The following EXT1 variants were observed in gnomAD, a reference collection of about 807,000 sequenced individuals.
EXT1 encodes exostosin glycosyltransferase 1, also known as exostosin-1.
EXT1 carries 20 observed loss-of-function variants against 82.5 expected under a neutral mutation model. That is an observed-to-expected ratio of 0.24 (90% CI 0.17 to 0.35). The LOEUF (loss-of-function observed/expected upper bound fraction) is 0.35. Among genes scored for constraint, EXT1 ranks in the 10% least tolerant of loss-of-function variants. The pLI, the probability that EXT1 is intolerant of heterozygous loss-of-function variation, is 1.00. For missense variants in EXT1, 757 were observed against 936.5 expected, an observed-to-expected ratio of 0.81 and a Z score of 2.50; for synonymous variants, 348 against 350.8, an observed-to-expected ratio of 0.99 and a Z score of 0.09.
intron 1 of EXT1, among the ~76,000 whole-genome samples, chr8:118,071,756 G>T (rs17505938): frequency 2.6e-5 from 4 of 152,180 alleles, no homozygotes; most frequent in African/African-American, 9.6e-5. Flanking sequence ...AGACAGAAAC[G>T]TTCCTTTTCT....
At chr8:117,809,245 T>TGTATGTATATATA (rs1563874284) in intron 8 of EXT1, among the ~76,000 whole-genome samples, 1 of 66,050 alleles carries the variant, frequency 1.5e-5, no homozygotes, top group African/African-American at 3.9e-5. Flanking sequence ...ATATATATAT[T>TGTATGTATATATA]ATGTTCTATT....
intron 1 of EXT1, among the ~76,000 whole-genome samples, chr8:117,859,433 C>A (rs1459099019): frequency 6.6e-6 from 1 of 152,166 alleles, no homozygotes; most frequent in East Asian, 1.9e-4. Flanking sequence ...TCTCACTACT[C>A]CTGATTTGGA....
intron 1 of EXT1, among the ~76,000 whole-genome samples, chr8:117,882,041 T>TA (rs1813070548): frequency 6.6e-6 from 1 of 152,226 alleles, no homozygotes; most frequent in South Asian, 2.1e-4. Flanking sequence ...AAGGAACCTG[T>TA]AACCAGACAA....
At chr8:117,899,070 C>G (rs1813395762) in intron 1 of EXT1, among the ~76,000 whole-genome samples, 1 of 152,056 alleles carries the variant, frequency 6.6e-6, no homozygotes, top group South Asian at 2.1e-4. Flanking sequence ...AATAAAGGGC[C>G]ATTTACTCTC....
chr8:117,819,986 A>G (rs962573677), intron 5 of EXT1, among the ~76,000 whole-genome samples, 192 bp from the exon 6 acceptor site: 2 of 152,058 alleles, frequency 1.3e-5, no homozygotes, highest in African/African-American at 2.4e-5. Flanking sequence ...GAGTCTAGAG[A>G]CCTCAATAAA....
chr8:117,980,858 C>G (rs1289224741), intron 1 of EXT1, among the ~76,000 whole-genome samples: 1 of 152,124 alleles, frequency 6.6e-6, no homozygotes, highest in Non-Finnish European at 1.5e-5. Context: ...CCCCGGCCAC[C>G]AGGACAAACA....
chr8:117,920,184 A>C (rs931476566), intron 1 of EXT1, among the ~76,000 whole-genome samples: 2 of 152,120 alleles, frequency 1.3e-5, no homozygotes, highest in Admixed American at 1.3e-4. Context: ...GGCTCACTGC[A>C]ACCTCCACCT....
Position 117,836,012 on chromosome 8 carries a change from T to C in EXT1, c.1057-461A>G, listed in dbSNP as rs376627624. 5.4e-4 allele frequency among the ~76,000 whole-genome samples: 82 copies of C among 152,340 alleles called. 1 individual carries two copies. In the South Asian group the frequency reaches 0.017, roughly 31 times the overall value. On this transcript the variant is annotated intron_variant, in intron 2 of 10. Transcript: ENST00000378204. The stretch of plus-strand genomic sequence containing the variant: ...AGAGCAGAATGAAGCTCAGCATTCC[T>C]AGGCAGCAGTTCGTGGACTTAACCA...
chr8:117,929,983 C>T (rs969415285), intron 1 of EXT1, among the ~76,000 whole-genome samples: 1 of 152,154 alleles, frequency 6.6e-6, no homozygotes, highest in African/African-American at 2.4e-5. Flanking sequence ...TGGCAGATGC[C>T]TGTAATCCCA....
At chr8:117,966,552 T>C (rs1037057403) in intron 1 of EXT1, among the ~76,000 whole-genome samples, 1 of 152,230 alleles carries the variant, frequency 6.6e-6, no homozygotes, top group Non-Finnish European at 1.5e-5. Flanking sequence ...GGGGTTTCTT[T>C]GACTTTTAAA....
intron 1 of EXT1, among the ~76,000 whole-genome samples, chr8:118,028,877 G>A (rs964410766): frequency 3.3e-5 from 5 of 151,988 alleles, no homozygotes; most frequent in Non-Finnish European, 5.9e-5. Context: ...AGCCAAGATC[G>A]CGCCATTGCA....
intron 1 of EXT1, among the ~76,000 whole-genome samples, chr8:118,099,176 G>A (rs1022697582): frequency 6.6e-6 from 1 of 152,230 alleles, no homozygotes; most frequent in Non-Finnish European, 1.5e-5. Context: ...GGCAGTAGGT[G>A]TTGGACTTGG....
chr8:117,823,466 T>C (rs1811958378), intron 4 of EXT1, among the ~76,000 whole-genome samples: 1 of 151,886 alleles, frequency 6.6e-6, no homozygotes, highest in Non-Finnish European at 1.5e-5. Context: ...AATAATTAAC[T>C]TGGTACAGAA....
At chr8:117,801,470 G>A (rs140477340) in intron 10 of EXT1, among the ~76,000 whole-genome samples, 1 of 152,146 alleles carries the variant, frequency 6.6e-6, no homozygotes, top group East Asian at 1.9e-4. Flanking sequence ...AATGTAACTT[G>A]TTTTGACCCT....
At chr8:117,998,855 A>C (rs1468633021) in intron 1 of EXT1, among the ~76,000 whole-genome samples, 1 of 152,216 alleles carries the variant, frequency 6.6e-6, no homozygotes, top group Non-Finnish European at 1.5e-5. Flanking sequence ...ACTTCAGCTC[A>C]ATTACTCCCT....
At position 118,078,222 on chromosome 8, in the gene EXT1, G is replaced by T. The variant is rs1817245157; in HGVS notation, c.962+31863C>A. ...TTTTATTTTATTTTATTTTTGAGATGAAGTCTCGCTCTGTCACCCAGGTTG... is the reference window on the plus strand; with the variant it reads ...TTTTATTTTATTTTATTTTTGAGATTAAGTCTCGCTCTGTCACCCAGGTTG... On this transcript the variant is annotated intron_variant, in intron 1 of 10. Transcript: ENST00000378204. Among the ~76,000 whole-genome samples, 4 of 152,144 alleles carry T rather than the reference G, an allele frequency of 2.6e-5. No homozygotes were observed. In the South Asian group the frequency reaches 8.3e-4, roughly 32 times the overall value.
At chr8:118,016,967 T>G (rs958558028) in intron 1 of EXT1, among the ~76,000 whole-genome samples, 2 of 152,174 alleles carry the variant, frequency 1.3e-5, no homozygotes, top group African/African-American at 4.8e-5. Context: ...TCGAGTTGAA[T>G]CTTTGTGATG....
chr8:117,950,334 G>A (rs1261460504), intron 1 of EXT1, among the ~76,000 whole-genome samples: 1 of 152,240 alleles, frequency 6.6e-6, no homozygotes, highest in Admixed American at 6.5e-5. Flanking sequence ...AAAGGCCACA[G>A]ACCTTTCGAC....
At chr8:117,854,174 AT>A (rs1812502125) in intron 1 of EXT1, among the ~76,000 whole-genome samples, 1 of 152,252 alleles carries the variant, frequency 6.6e-6, no homozygotes, top group African/African-American at 2.4e-5. Context: ...AAAGAAGGGA[AT>A]TTCAGTTATT....
Sources: gnomAD v4.1 joint callset for allele counts (sites outside exome capture counted in the v4.1 genomes callset) on GRCh38, gnomAD v4.1.1 for gene constraint, MANE v1.5 for transcripts, NCBI Gene and HGNC (gene_info 2026-07-23, HGNC 2026-07-21) for gene names.